B3GNT2: variants seen among roughly 807,000 people sequenced by gnomAD.
B3GNT2 encodes N-acetyllactosaminide beta-1,3-N-acetylglucosaminyltransferase 2.
A neutral mutation model predicts 27.6 loss-of-function variants in B3GNT2; 12 were observed. That is an observed-to-expected ratio of 0.44 (90% confidence interval 0.28 to 0.71). The LOEUF (loss-of-function observed/expected upper bound fraction) is 0.71. B3GNT2 is among the 30% of genes least tolerant of loss of function. The pLI is 0.17. For missense variants in B3GNT2, 413 were observed against 488.5 expected, an observed-to-expected ratio of 0.85 and a Z score of 1.46; for synonymous variants, 192 against 189.7, an observed-to-expected ratio of 1.01 and a Z score of -0.10.
chr2:62,212,551 C>A (rs1201721832), intron 1 of B3GNT2, among the ~76,000 whole-genome samples: 1 of 151,598 alleles, frequency 6.6e-6, no homozygotes, highest in African/African-American at 2.4e-5. Context: ...TGTGTGTGCC[C>A]CTCCTTCCTT....
chr2:62,205,179 C>G (rs761262092), intron 1 of B3GNT2, among the ~76,000 whole-genome samples: 3 of 152,224 alleles, frequency 2.0e-5, no homozygotes, highest in Non-Finnish European at 4.4e-5. Flanking sequence ...TCGTTTAAAA[C>G]TGAGGTGACT....
At chr2:62,208,033 G>A (rs1674410386) in intron 1 of B3GNT2, among the ~76,000 whole-genome samples, 1 of 152,182 alleles carries the variant, frequency 6.6e-6, no homozygotes, top group African/African-American at 2.4e-5. Flanking sequence ...GATCTTATGA[G>A]TTTGAGAGGG....
intron 1 of B3GNT2, among the ~76,000 whole-genome samples, chr2:62,207,449 A>G (rs1033659587): frequency 3.9e-5 from 6 of 152,174 alleles, no homozygotes; most frequent in Non-Finnish European, 7.3e-5. Context: ...AGAATTGGAA[A>G]GGCAGTGGTT....
At chr2:62,208,239 C>G (rs753641257) in intron 1 of B3GNT2, among the ~76,000 whole-genome samples, 9 of 119,026 alleles carry the variant, frequency 7.6e-5, no homozygotes, top group South Asian at 3.3e-4. Flanking sequence ...TTCCTTCCCC[C>G]CCAATCTCTA....
chr2:62,222,634 T>A lies in B3GNT2; in HGVS notation c.414T>A (p.Cys138Ter). The A allele has an allele frequency of 6.2e-7, 1 of 1,614,226 alleles. No individual in the cohort carries two copies. Among genetic ancestry groups the A allele is most frequent in the Non-Finnish European group, 8.5e-7 (1 of 1,180,048 alleles). ...YSLLIDQPDK[C>*]AKKPFLLLAI... ...TGCTTATAGATCAGCCGGATAAGTG[T>A]GCAAAGAAACCTTTCTTGTTGCTGG... is the stretch of plus-strand genomic sequence containing the variant. Residue 138 changes from cysteine (C) to a stop codon, truncating the protein, a stop_gained, in exon 2 of 2, where the codon TGT becomes TGA. Transcript: ENST00000301998. LOFTEE classifies it high-confidence loss of function. This position sits in a 1 kb window ranked among gnomAD's most constrained non-coding sequence, Gnocchi z 4.2.
intron 1 of B3GNT2, among the ~76,000 whole-genome samples, chr2:62,219,686 G>A (rs1237125228): frequency 6.6e-6 from 1 of 152,190 alleles, no homozygotes; most frequent in Non-Finnish European, 1.5e-5. Flanking sequence ...GCAGTACTGG[G>A]TCAAGGGCTC....
chr2:62,198,860 G>A (rs1363431879), intron 1 of B3GNT2, among the ~76,000 whole-genome samples: 2 of 152,184 alleles, frequency 1.3e-5, no homozygotes, highest in Non-Finnish European at 2.9e-5. Context: ...AGAGAAATAT[G>A]CAGGGCTTTT....
At chr2:62,214,650 G>A (rs753177975) in intron 1 of B3GNT2, among the ~76,000 whole-genome samples, 3 of 152,218 alleles carry the variant, frequency 2.0e-5, no homozygotes, top group Non-Finnish European at 2.9e-5. Context: ...AATGTGCTTC[G>A]TTTAGGGTTT....
Position 62,222,443 on chromosome 2 carries a change from A to C in B3GNT2, c.223A>C (p.Ser75Arg), listed in dbSNP as rs1379862060. The C allele has an allele frequency of 1.9e-6, 3 of 1,614,114 alleles. No homozygotes were observed. The highest frequency in any genetic ancestry group is 2.5e-6 in the Non-Finnish European group (3 of 1,180,018). ...KLNRQYNPILSMLTNQTGEAG... is the reference protein window; with the variant it reads ...KLNRQYNPILRMLTNQTGEAG... The stretch of plus-strand genomic sequence containing the variant: ...GAACCGGCAGTACAACCCCATCCTG[A>C]GCATGCTGACCAACCAGACGGGGGA... The change falls in exon 2 of 2, where the codon AGC becomes CGC. Residue 75 changes from serine (S) to arginine (R), a missense_variant. By Grantham distance (110) the Ser-to-Arg change is moderately radical. Transcript: ENST00000301998. The surrounding 1 kb of genome is among the most constrained non-coding windows in gnomAD (Gnocchi z 4.2).
chr2:62,221,679 A>T, intron 1 of B3GNT2: 1 of 328,858 alleles, frequency 3.0e-6, no homozygotes, highest in South Asian at 2.4e-5. Flanking sequence ...ATGAAATAGA[A>T]GAGAACTTGA....
At position 62,223,645 on chromosome 2, in the gene B3GNT2, G is replaced by C. The variant is rs910743287; in HGVS notation, c.*231G>C. 4.9e-6 allele frequency: 2 copies of C among 410,126 alleles called. No homozygotes were observed. The highest frequency in any genetic ancestry group is 9.0e-6 in the Non-Finnish European group (2 of 222,000). 25.4% of individuals were successfully genotyped at this position (410,126 alleles called of 1,614,324 possible). On this transcript the variant is annotated 3_prime_UTR_variant, in exon 2 of 2. Transcript: ENST00000301998. ...CAGGATGATTGGTTCTGATCTTACC[G>C]GCTAGTGGTCATTTTTAAAAAACTT...
chr2:62,209,384 G>C (rs182815471), intron 1 of B3GNT2, among the ~76,000 whole-genome samples: 1 of 152,114 alleles, frequency 6.6e-6, no homozygotes, highest in Admixed American at 6.5e-5. Flanking sequence ...TGGATGGTCT[G>C]TAAGGCCCTG....
chr2:62,215,006 A>T (rs1674546431), intron 1 of B3GNT2, among the ~76,000 whole-genome samples: 1 of 151,976 alleles, frequency 6.6e-6, no homozygotes, highest in South Asian at 2.1e-4. Flanking sequence ...AAGGTTCTGT[A>T]TGTGTTTATT....
intron 1 of B3GNT2, among the ~76,000 whole-genome samples, chr2:62,196,889 G>GGGGA (rs1344607395): frequency 6.6e-6 from 1 of 152,074 alleles, no homozygotes; most frequent in East Asian, 1.9e-4. Context: ...CGTGCCGCAT[G>GGGGA]GGGAGATCAG....
chr2:62,212,171 A>G (rs1396554642), intron 1 of B3GNT2, among the ~76,000 whole-genome samples: 1 of 152,146 alleles, frequency 6.6e-6, no homozygotes, highest in Non-Finnish European at 1.5e-5. Context: ...GGGACCTTGT[A>G]GGAGGAAGGG....
At chr2:62,219,637 C>G (rs555116005) in intron 1 of B3GNT2, among the ~76,000 whole-genome samples, 1 of 152,128 alleles carries the variant, frequency 6.6e-6, no homozygotes, top group Non-Finnish European at 1.5e-5. Flanking sequence ...TCCTGTTGCC[C>G]TTCCTTCCAG....
Position 62,224,574 on chromosome 2 carries a change from A to G in B3GNT2, c.*1160A>G, listed in dbSNP as rs941464687. 1.2e-5 allele frequency: 2 copies of G among 167,088 alleles called. No individual in the cohort carries two copies. Among genetic ancestry groups the G allele is most frequent in the Non-Finnish European group, 2.9e-5 (2 of 68,108 alleles). The allele number at this position is 167,088 out of a possible 1,614,324, so 10.4% of individuals were successfully genotyped here. A position where few individuals can be genotyped will look rare whatever the true frequency, so the allele number is the denominator to read the frequency against. On this transcript the variant is annotated 3_prime_UTR_variant, in exon 2 of 2. Coordinates refer to ENST00000301998, the MANE Select transcript of B3GNT2 (RefSeq NM_006577.6). ...ATTTTAAAATTTGTTTTTTGGGGGT[A>G]TGAACTACTAGAGTTTAAAATTCTG...
At chr2:62,205,433 G>A (rs367741657) in intron 1 of B3GNT2, among the ~76,000 whole-genome samples, 62 of 152,244 alleles carry the variant, frequency 4.1e-4, no homozygotes, top group Non-Finnish European at 5.3e-4. Context: ...TTGAGGATAC[G>A]TATTTTAAAA....
chr2:62,222,225 G>C lies in B3GNT2; in HGVS notation c.5G>C (p.Ser2Thr). Residue 2 changes from serine to threonine, a missense_variant, in exon 2 of 2, where the codon AGT becomes ACT. Ser to Thr is a moderately conservative substitution (Grantham distance 58). Transcript: ENST00000301998. The surrounding 1 kb of genome is among the most constrained non-coding windows in gnomAD (Gnocchi z 4.2). ...CCTTTATTCCAGATATGAGAAATGA[G>C]TGTTGGACGTCGAAGAATAAAGTTG... M[S>T]VGRRRIKLLG... 1.9e-6 allele frequency: 3 copies of C among 1,599,512 alleles called. No homozygotes were observed. Among genetic ancestry groups the C allele is most frequent in the Non-Finnish European group, 1.7e-6 (2 of 1,173,776 alleles).
Sources: allele counts gnomAD v4.1 joint callset (sites outside exome capture counted in the v4.1 genomes callset), GRCh38; gene constraint gnomAD v4.1.1; non-coding constraint Gnocchi (gnomAD v3.1); transcripts MANE v1.5; gene names NCBI Gene and HGNC (gene_info 2026-07-23, HGNC 2026-07-21).